CPQ: variants seen among roughly 807,000 people sequenced by gnomAD.
CPQ encodes the protein Ser-Met dipeptidase.
CPQ carries 37 observed loss-of-function variants against 45.7 expected under a neutral mutation model. The ratio of observed to expected loss-of-function variants is 0.81; its 90% CI spans 0.62 to 1.07. The LOEUF (loss-of-function observed/expected upper bound fraction) is 1.07. Among genes scored for constraint, CPQ ranks in the 50% least tolerant of loss-of-function variants. The pLI is 0.00. For synonymous variants in CPQ, 186 were observed against 205.8 expected, an observed-to-expected ratio of 0.90 and a Z score of 0.82; for missense variants, 537 against 572.9, an observed-to-expected ratio of 0.94 and a Z score of 0.64.
chr8:96,895,289 G>T (rs1812429628), intron 4 of CPQ, among the ~76,000 whole-genome samples: 1 of 152,166 alleles, frequency 6.6e-6, no homozygotes, highest in South Asian at 2.1e-4. Flanking sequence ...TTAATTGAAA[G>T]ACAGTTGCTG....
intron 1 of CPQ, among the ~76,000 whole-genome samples, chr8:96,713,505 C>G (rs1424335303): frequency 6.6e-6 from 1 of 152,162 alleles, no homozygotes; most frequent in African/African-American, 2.4e-5. Flanking sequence ...GCAAACACAT[C>G]CTTCTTCACA....
At chr8:96,996,718 A>T (rs1426651860) in intron 5 of CPQ, among the ~76,000 whole-genome samples, 1 of 152,032 alleles carries the variant, frequency 6.6e-6, no homozygotes, top group East Asian at 1.9e-4. Flanking sequence ...GCTTGTGCTT[A>T]TATATGCAAT....
intron 4 of CPQ, among the ~76,000 whole-genome samples, chr8:96,921,157 A>G (rs1000668964): frequency 6.6e-6 from 1 of 152,140 alleles, no homozygotes; most frequent in African/African-American, 2.4e-5. Flanking sequence ...GCAGGTGGAA[A>G]TTGAACCTGG....
At chr8:96,683,814 G>C (rs1809186634) in intron 1 of CPQ, among the ~76,000 whole-genome samples, 1 of 145,958 alleles carries the variant, frequency 6.9e-6, no homozygotes, top group Admixed American at 6.8e-5. Flanking sequence ...TTCTGTGCTT[G>C]GTATACTCTA....
chr8:97,053,522 C>T (rs980103727), intron 6 of CPQ, among the ~76,000 whole-genome samples: 2 of 152,066 alleles, frequency 1.3e-5, no homozygotes, highest in Non-Finnish European at 2.9e-5. Context: ...GAGAGTTGTT[C>T]CAAAGGTGCT....
intron 1 of CPQ, among the ~76,000 whole-genome samples, chr8:96,660,564 G>T (rs1190783060): frequency 6.6e-6 from 1 of 152,002 alleles, no homozygotes; most frequent in Non-Finnish European, 1.5e-5. Context: ...AGAAAATACT[G>T]ATTTGGGGGT....
rs192175829 is a variant in CPQ, at chr8:96,743,454, C to T, written c.-34-41410C>T. 1.0e-3 allele frequency among the ~76,000 whole-genome samples: 157 copies of T among 152,294 alleles called. 2 individuals are homozygous for T. The highest frequency in any genetic ancestry group is 3.2e-3 in the African/African-American group (133 of 41,584). ...CCATAGCTTGGAGTAATTTGATCATCTGAAGCCTTCTTCTCTCAGCTCGTC... is the reference window on the plus strand; with the variant it reads ...CCATAGCTTGGAGTAATTTGATCATTTGAAGCCTTCTTCTCTCAGCTCGTC... On this transcript the variant is annotated intron_variant, in intron 1 of 7. Coordinates refer to ENST00000220763, the MANE Select transcript of CPQ (RefSeq NM_016134.4).
Position 96,847,046 on chromosome 8 carries a change from A to G in CPQ, c.641+11866A>G, listed in dbSNP as rs545958052. ...GCAAGGGTTCTATATGGATAATGTC[A>G]TGCCCCTCATTGCATCACATAAGGA... On this transcript the variant is annotated intron_variant, in intron 3 of 7. Transcript: ENST00000220763. Among the ~76,000 whole-genome samples the G allele has an allele frequency of 6.1e-4, 93 of 152,326 alleles. 1 individual carries two copies. In the South Asian group the frequency reaches 0.014, roughly 24 times the overall value.
chr8:97,109,172 G>T (rs1265965159), intron 7 of CPQ, among the ~76,000 whole-genome samples: 3 of 151,936 alleles, frequency 2.0e-5, no homozygotes, highest in Admixed American at 6.6e-5. Flanking sequence ...TCCCATTCCT[G>T]CTTCTAGCCA....
At chr8:96,946,584 C>T (rs1326895964) in intron 4 of CPQ, among the ~76,000 whole-genome samples, 5 of 128,278 alleles carry the variant, frequency 3.9e-5, no homozygotes, top group African/African-American at 1.1e-4. Flanking sequence ...GCTATCCCTC[C>T]CCCTCCCCCC....
intron 1 of CPQ, among the ~76,000 whole-genome samples, chr8:96,700,305 A>T (rs1809440152): frequency 1.3e-5 from 2 of 152,074 alleles, no homozygotes; most frequent in African/African-American, 4.8e-5. Context: ...CCCCCAGCTC[A>T]CTTAGAAGGT....
intron 4 of CPQ, among the ~76,000 whole-genome samples, chr8:96,934,357 T>C (rs138584062): frequency 1.1e-4 from 17 of 152,138 alleles, no homozygotes; most frequent in Non-Finnish European, 1.9e-4. Context: ...GAAGGCCAAG[T>C]AGGTGTTAGA....
At chr8:96,914,902 T>C (rs950473667) in intron 4 of CPQ, among the ~76,000 whole-genome samples, 4 of 152,154 alleles carry the variant, frequency 2.6e-5, no homozygotes, top group African/African-American at 9.7e-5. Flanking sequence ...TTCTGCCAAT[T>C]ATGGTCCATT....
At chr8:97,005,248 A>AT (rs1186246089) in intron 5 of CPQ, among the ~76,000 whole-genome samples, 1 of 151,774 alleles carries the variant, frequency 6.6e-6, no homozygotes, top group African/African-American at 2.4e-5. Context: ...CACCTGGCTA[A>AT]TTTTTGTACT....
intron 5 of CPQ, among the ~76,000 whole-genome samples, chr8:97,020,955 T>C (rs558207315): frequency 3.9e-4 from 59 of 152,120 alleles, no homozygotes; most frequent in Admixed American, 2.0e-3. Flanking sequence ...CTGGTGAATA[T>C]AGATGCTAAA....
At chr8:96,819,397 A>G (rs1811272018) in intron 2 of CPQ, among the ~76,000 whole-genome samples, 1 of 152,098 alleles carries the variant, frequency 6.6e-6, no homozygotes, top group Non-Finnish European at 1.5e-5. Flanking sequence ...TCTTTTTTAC[A>G]TTATTAACTA....
chr8:96,953,109 A>G (rs1813294822), intron 4 of CPQ, among the ~76,000 whole-genome samples: 1 of 152,172 alleles, frequency 6.6e-6, no homozygotes, highest in Non-Finnish European at 1.5e-5. Flanking sequence ...GAAGAGCAGC[A>G]TGATGATAGG....
intron 7 of CPQ, among the ~76,000 whole-genome samples, 162 bp downstream of exon 7, chr8:97,066,372 A>G (rs1563570957): frequency 6.6e-6 from 1 of 152,204 alleles, no homozygotes; most frequent in African/African-American, 2.4e-5. Context: ...AACTGGGATA[A>G]TAGTCCTCAC....
At chr8:96,653,586 A>G (rs995604328) in intron 1 of CPQ, among the ~76,000 whole-genome samples, 1 of 152,270 alleles carries the variant, frequency 6.6e-6, no homozygotes. Context: ...TACCAGTAAC[A>G]TAAATAGCCA....
Sources: allele counts gnomAD v4.1 joint callset (sites outside exome capture counted in the v4.1 genomes callset), GRCh38; gene constraint gnomAD v4.1.1; transcripts MANE v1.5; gene names NCBI Gene and HGNC (gene_info 2026-07-23, HGNC 2026-07-21).